The following KCNIP3 variants were observed in gnomAD, a reference collection of about 807,000 sequenced individuals.
The protein encoded by KCNIP3 is potassium voltage-gated channel interacting protein 3.
In KCNIP3, 28 loss-of-function variants were observed where a neutral mutation model predicts 35.0. The observed-to-expected ratio is 0.80, with a 90% CI of 0.59 to 1.10. KCNIP3 has a LOEUF of 1.10. KCNIP3 is among the 50% of genes least tolerant of loss of function. The pLI is 0.00. For missense variants in KCNIP3, 295 were observed against 338.4 expected, an observed-to-expected ratio of 0.87 and a Z score of 1.01; for synonymous variants, 134 against 133.8, an observed-to-expected ratio of 1.00 and a Z score of -0.01.
intron 2 of KCNIP3, among the ~76,000 whole-genome samples, chr2:95,371,137 G>T (rs1015337112): frequency 2.0e-5 from 3 of 152,044 alleles, no homozygotes; most frequent in African/African-American, 7.2e-5. Flanking sequence ...AATTTGCTCT[G>T]CATTTTTTAG....
chr2:95,376,522 C>T lies in KCNIP3; in HGVS notation c.447+1314C>T, dbSNP rs535235454. On this transcript the variant is annotated intron_variant, in intron 5 of 8. Coordinates refer to ENST00000295225, the MANE Select transcript of KCNIP3 (RefSeq NM_013434.5). This position sits in a 1 kb window ranked among gnomAD's most constrained non-coding sequence, Gnocchi z 4.2. The stretch of plus-strand genomic sequence containing the variant: ...CCCTCTGGGCTGGGTCTGTCAGTGG[C>T]TGTGCTGTGGCCCCTCTGCTGGGCA... Among the ~76,000 whole-genome samples, 27 of 152,376 alleles carry T rather than the reference C, an allele frequency of 1.8e-4. No individual in the cohort carries two copies. The East Asian group carries it at 4.6e-3, about 26-fold the overall frequency.
chr2:95,359,653 G>T (rs756132978), intron 2 of KCNIP3, among the ~76,000 whole-genome samples: 1 of 152,232 alleles, frequency 6.6e-6, no homozygotes, highest in Non-Finnish European at 1.5e-5. Flanking sequence ...TCTGCAACAG[G>T]TCTCTGCCTG....
At chr2:95,358,146 CCAT>C (rs1679703459) in intron 2 of KCNIP3, among the ~76,000 whole-genome samples, 1 of 152,132 alleles carries the variant, frequency 6.6e-6, no homozygotes, top group African/African-American at 2.4e-5. Context: ...AGAGAATCTT[CCAT>C]TGCTTCTGCT....
At chr2:95,342,588 C>T (rs138213100) in intron 2 of KCNIP3, among the ~76,000 whole-genome samples, 273 of 152,328 alleles carry the variant, frequency 1.8e-3, no homozygotes, top group South Asian at 2.7e-3. Flanking sequence ...TCATGGGGCA[C>T]GCAGCGTTGC....
At chr2:95,309,784 G>A (rs1678265666) in intron 1 of KCNIP3, among the ~76,000 whole-genome samples, 1 of 152,154 alleles carries the variant, frequency 6.6e-6, no homozygotes, top group South Asian at 2.1e-4. Context: ...CCTGCCCATA[G>A]CTGGAGCTGT....
intron 2 of KCNIP3, among the ~76,000 whole-genome samples, chr2:95,324,359 A>G (rs1178992276): frequency 1.3e-5 from 2 of 151,392 alleles, no homozygotes; most frequent in African/African-American, 2.4e-5. Flanking sequence ...AAAAATACCA[A>G]AAAAATTAGC....
chr2:95,375,001 G>T, intron 4 of KCNIP3, 84 bp downstream of exon 4: 1 of 1,533,012 alleles, frequency 6.5e-7, no homozygotes. Context: ...CTGGAGGCTT[G>T]GTGCTGCCCC....
In KCNIP3 at chr2:95,382,357, ATGC is replaced by A. The variant is rs777484311; in HGVS notation, c.556-19_556-17del. ...GCCACCCCGGCCTTGCAGCAGGCTC[ATGC>A]CAGCCTCCCCCTCCAGGAGATGCTG... On this transcript the variant is annotated splice_polypyrimidine_tract_variant and intron_variant, in intron 6 of 8. Coordinates refer to ENST00000295225, the MANE Select transcript of KCNIP3 (RefSeq NM_013434.5). The surrounding 1 kb of genome is among the most constrained non-coding windows in gnomAD (Gnocchi z 4.5). The A allele has an allele frequency of 6.5e-7, 1 of 1,532,238 alleles. No homozygotes were observed. The highest frequency in any genetic ancestry group is 8.8e-7 in the Non-Finnish European group (1 of 1,131,310). 94.9% of individuals were successfully genotyped at this position (1,532,238 alleles called of 1,614,324 possible). A position where few individuals can be genotyped will look rare whatever the true frequency, so the allele number is the denominator to read the frequency against.
At chr2:95,352,687 C>T (rs2104275115) in intron 2 of KCNIP3, among the ~76,000 whole-genome samples, 1 of 152,258 alleles carries the variant, frequency 6.6e-6, no homozygotes, top group East Asian at 1.9e-4. Context: ...TCCCCTAGTC[C>T]TCCCTCCCTT....
chr2:95,368,979 C>T (rs35984223), intron 2 of KCNIP3: 1 of 152,344 alleles, frequency 6.6e-6, no homozygotes, highest in Non-Finnish European at 1.5e-5. Flanking sequence ...ACACCTTTGC[C>T]TAAATTTTGA....
Position 95,310,371 on chromosome 2 carries a change from C to A in KCNIP3, c.32C>A (p.Ser11Ter). The change falls in exon 2 of 9, where the codon TCG becomes TAG. Residue 11 changes from serine to a stop codon, truncating the protein, a stop_gained. Transcript: ENST00000295225. LOFTEE classifies it high-confidence loss of function. MQPAKEVTKA[S>*]DGSLLGDLGH... ...CTACTGCAGGAAGTGACAAAGGCGT[C>A]GGACGGCAGCCTCCTGGGGGACCTC... 1 of 1,611,706 alleles carries A rather than the reference C, an allele frequency of 6.2e-7. No homozygotes were observed. The highest frequency in any genetic ancestry group is 1.1e-5 in the South Asian group (1 of 90,890).
intron 2 of KCNIP3, among the ~76,000 whole-genome samples, chr2:95,367,758 A>ATTTTT (rs5832800): frequency 7.6e-6 from 1 of 131,806 alleles, no homozygotes; most frequent in Non-Finnish European, 1.6e-5. Flanking sequence ...GTGACTTAAC[A>ATTTTT]TTTTTTTTTT....
intron 2 of KCNIP3, among the ~76,000 whole-genome samples, chr2:95,365,820 C>T (rs2104290689): frequency 6.6e-6 from 1 of 152,200 alleles, no homozygotes; most frequent in East Asian, 1.9e-4. Context: ...TATTTCCCTC[C>T]TCCCCATAGC....
chr2:95,352,338 C>G (rs1180709329), intron 2 of KCNIP3, among the ~76,000 whole-genome samples: 2 of 152,036 alleles, frequency 1.3e-5, no homozygotes. Flanking sequence ...GTTAGCAGGT[C>G]AGGGAGAAAG....
intron 2 of KCNIP3, among the ~76,000 whole-genome samples, chr2:95,356,098 G>A (rs1679651174): frequency 6.6e-6 from 1 of 152,218 alleles, no homozygotes; most frequent in South Asian, 2.1e-4. Flanking sequence ...GATGACCAGT[G>A]ATGATGAGCA....
intron 2 of KCNIP3, among the ~76,000 whole-genome samples, chr2:95,350,486 A>T (rs1216239543): frequency 6.6e-6 from 1 of 152,148 alleles, no homozygotes; most frequent in East Asian, 1.9e-4. Context: ...GCTGACCAAG[A>T]GGGAGAACTG....
At chr2:95,318,621 C>T (rs1017675099) in intron 2 of KCNIP3, among the ~76,000 whole-genome samples, 49 of 152,140 alleles carry the variant, frequency 3.2e-4, no homozygotes, top group African/African-American at 1.1e-3. Flanking sequence ...TGCCTGCACC[C>T]GGGGCTGAGC....
intron 2 of KCNIP3, among the ~76,000 whole-genome samples, chr2:95,321,029 C>T (rs1203298227): frequency 7.5e-6 from 1 of 132,992 alleles, no homozygotes; most frequent in African/African-American, 3.0e-5. Context: ...AGCCTCTCCT[C>T]CCCACACCCC....
chr2:95,318,228 G>C (rs987551698), intron 2 of KCNIP3, among the ~76,000 whole-genome samples: 6 of 152,108 alleles, frequency 3.9e-5, no homozygotes, highest in African/African-American at 1.4e-4. Context: ...TCTCCATGGG[G>C]TACACAGACT....
Sources: allele counts gnomAD v4.1 joint callset (sites outside exome capture counted in the v4.1 genomes callset), GRCh38; gene constraint gnomAD v4.1.1; non-coding constraint Gnocchi (gnomAD v3.1); transcripts MANE v1.5; gene names NCBI Gene and HGNC (gene_info 2026-07-23, HGNC 2026-07-21).